Variants in TRMT11 observed in about 807,000 individuals in gnomAD.
TRMT11 encodes the protein tRNA methyltransferase 11.
Under a neutral mutation model 62.8 loss-of-function variants are expected in TRMT11, and 53 were observed. The observed-to-expected ratio is 0.84, with a 90% CI of 0.68 to 1.06. The LOEUF is 1.06. TRMT11 is among the 50% of genes least tolerant of loss of function. TRMT11 has a pLI of 0.00. For synonymous variants in TRMT11, 188 were observed against 190.3 expected (o/e 0.99, Z 0.10); for missense variants, 556 against 553.4 (o/e 1.00, Z -0.05).
intron 17 of TRMT11, among the ~76,000 whole-genome samples, chr6:126,055,494 T>C (rs527265281): frequency 6.6e-6 from 1 of 152,360 alleles, no homozygotes; most frequent in South Asian, 2.1e-4. Flanking sequence ...TTGGTTAAAC[T>C]CATTTTTGTT....
chr6:126,196,346 C>T (rs1477330695), intron 1 of TRMT11, among the ~76,000 whole-genome samples: 1 of 151,996 alleles, frequency 6.6e-6, no homozygotes, highest in Non-Finnish European at 1.5e-5. Flanking sequence ...GAAAGATCTA[C>T]CACTCACTTA....
chr6:126,246,013 C>T, the TRMT11 span, among the ~76,000 whole-genome samples: 2 of 152,060 alleles, frequency 1.3e-5, no homozygotes, highest in Non-Finnish European at 2.9e-5. Context: ...GTGGCTTATG[C>T]CTGTAATTCT....
At chr6:126,083,679 T>A (rs1283166556) in intron 17 of TRMT11, among the ~76,000 whole-genome samples, 2 of 152,168 alleles carry the variant, frequency 1.3e-5, no homozygotes, top group Non-Finnish European at 2.9e-5. Flanking sequence ...CAGAACAATT[T>A]TATTACATAA....
downstream of TRMT11, among the ~76,000 whole-genome samples, chr6:126,204,360 T>C (rs969466862): frequency 6.6e-6 from 1 of 152,144 alleles, no homozygotes; most frequent in Non-Finnish European, 1.5e-5. Context: ...TGCTTGCCAG[T>C]TTGATAAAAA....
At chr6:126,199,486 A>G (rs1778710503) in intron 2 of TRMT11, among the ~76,000 whole-genome samples, 1 of 152,198 alleles carries the variant, frequency 6.6e-6, no homozygotes, top group South Asian at 2.1e-4. Flanking sequence ...GAACAACTTG[A>G]GCTTTCAGAG....
intron 12 of TRMT11, among the ~76,000 whole-genome samples, chr6:126,030,808 T>C (rs1774056862): frequency 6.6e-6 from 1 of 152,232 alleles, no homozygotes; most frequent in Admixed American, 6.5e-5. Flanking sequence ...TGAATGACTA[T>C]AGAGCTCTGC....
chr6:126,141,845 G>C (rs1270045919), intron 21 of TRMT11, among the ~76,000 whole-genome samples: 2 of 152,010 alleles, frequency 1.3e-5, no homozygotes, highest in African/African-American at 4.8e-5. Flanking sequence ...CTTTCTCATA[G>C]TTTTGCATTA....
chr6:126,015,237 T>G (rs1349444985), intron 11 of TRMT11, among the ~76,000 whole-genome samples: 2 of 152,066 alleles, frequency 1.3e-5, no homozygotes, highest in Admixed American at 6.5e-5. Context: ...TCACTAATCT[T>G]TTTTTTGAGA....
chr6:126,009,125 T>C, intron 8 of TRMT11, among the ~76,000 whole-genome samples: 1 of 151,894 alleles, frequency 6.6e-6, no homozygotes, highest in South Asian at 2.1e-4. Flanking sequence ...TAATGAAACA[T>C]ATTTGGTTAA....
At chr6:126,023,307 C>A (rs1796091499) in intron 12 of TRMT11, among the ~76,000 whole-genome samples, 1 of 152,150 alleles carries the variant, frequency 6.6e-6, no homozygotes, top group Non-Finnish European at 1.5e-5. Context: ...TATTTAACGT[C>A]CATTTCAAAC....
intron 17 of TRMT11, among the ~76,000 whole-genome samples, chr6:126,053,926 C>T (rs141794912): frequency 1.5e-3 from 227 of 152,240 alleles, no homozygotes; most frequent in African/African-American, 5.0e-3. Flanking sequence ...AGGGGGATTC[C>T]AGGCAGAGAG....
the TRMT11 span, among the ~76,000 whole-genome samples, chr6:126,254,088 AT>A: frequency 6.6e-6 from 1 of 152,178 alleles, no homozygotes; most frequent in South Asian, 2.1e-4. Flanking sequence ...TTACATAGGA[AT>A]CTTGTCATTA....
chr6:126,061,276 TG>T (rs745336471), intron 17 of TRMT11, among the ~76,000 whole-genome samples: 1 of 152,232 alleles, frequency 6.6e-6, no homozygotes, highest in Non-Finnish European at 1.5e-5. Flanking sequence ...TGTTACAATC[TG>T]GGAAATATGG....
chr6:126,112,242 GTC>G (rs1777540443), intron 17 of TRMT11, among the ~76,000 whole-genome samples: 1 of 152,064 alleles, frequency 6.6e-6, no homozygotes, highest in African/African-American at 2.4e-5. Flanking sequence ...AGTGATTCAC[GTC>G]TCTGGATTCA....
At chr6:126,068,688 C>G (rs1290337321) in intron 17 of TRMT11, among the ~76,000 whole-genome samples, 2 of 152,128 alleles carry the variant, frequency 1.3e-5, no homozygotes, top group African/African-American at 4.8e-5. Context: ...GTCATCCTAC[C>G]TTTTCTTATT....
the TRMT11 span, among the ~76,000 whole-genome samples, chr6:126,229,741 G>A: frequency 1.3e-5 from 2 of 152,042 alleles, no homozygotes; most frequent in African/African-American, 2.4e-5. Context: ...TACCTTAGTC[G>A]GCCTATGAAT....
At chr6:126,065,559 A>C (rs973825301) in intron 17 of TRMT11, among the ~76,000 whole-genome samples, 12 of 152,298 alleles carry the variant, frequency 7.9e-5, no homozygotes, top group Admixed American at 3.3e-4. Flanking sequence ...TTCATTCATT[A>C]ATTATTATGA....
downstream of TRMT11, among the ~76,000 whole-genome samples, chr6:126,041,100 A>G (rs529481018): frequency 1.3e-5 from 2 of 152,224 alleles, no homozygotes; most frequent in South Asian, 4.1e-4. Flanking sequence ...TATTGCCACT[A>G]TTTCCTTGTT....
At chr6:126,242,516 C>T in the TRMT11 span, among the ~76,000 whole-genome samples, 1 of 152,152 alleles carries the variant, frequency 6.6e-6, no homozygotes, top group South Asian at 2.1e-4. Flanking sequence ...AGGCATCACG[C>T]TACCTGACTT....
Sources: allele counts gnomAD v4.1 joint callset (sites outside exome capture counted in the v4.1 genomes callset), GRCh38; gene constraint gnomAD v4.1.1; transcripts MANE v1.5; gene names NCBI Gene and HGNC (gene_info 2026-07-23, HGNC 2026-07-21).